The following TRIO variants were observed in gnomAD, a reference collection of about 807,000 sequenced individuals.
TRIO encodes the protein triple functional domain protein.
Under a neutral mutation model 351.9 loss-of-function variants are expected in TRIO, and 58 were observed. The observed-to-expected ratio is 0.16, with a 90% confidence interval of 0.13 to 0.21. The LOEUF (loss-of-function observed/expected upper bound fraction) is 0.21. Ranked by LOEUF, TRIO falls within the 10% of genes least tolerant of loss-of-function variation. TRIO has a pLI of 1.00. For missense variants in TRIO, 3,201 were observed against 4,027.8 expected (o/e 0.79, Z 5.56); for synonymous variants, 1,758 against 1,595.7 (o/e 1.10, Z -2.42).
At chr5:14,342,393 C>T (rs1742019598) in intron 11 of TRIO, among the ~76,000 whole-genome samples, 1 of 152,236 alleles carries the variant, frequency 6.6e-6, no homozygotes, top group African/African-American at 2.4e-5. Context: ...GGAAAACTGA[C>T]TAAAGGTCCA....
chr5:14,167,694 C>G (rs1788853232), intron 1 of TRIO, among the ~76,000 whole-genome samples: 1 of 152,042 alleles, frequency 6.6e-6, no homozygotes, highest in African/African-American at 2.4e-5. Context: ...GTACTAAGAT[C>G]CGGGGATAGG....
At chr5:14,507,509 C>T (rs1757789575) in intron 56 of TRIO, among the ~76,000 whole-genome samples, 1 of 152,196 alleles carries the variant, frequency 6.6e-6, no homozygotes, top group Admixed American at 6.5e-5. Context: ...TTCAGAAAGT[C>T]CCCATGAGTT....
At chr5:14,175,342 A>T (rs1023573812) in intron 1 of TRIO, among the ~76,000 whole-genome samples, 2 of 152,206 alleles carry the variant, frequency 1.3e-5, no homozygotes, top group African/African-American at 4.8e-5. Context: ...GCGTTTTCTA[A>T]TTCCTTTCCA....
intron 1 of TRIO, among the ~76,000 whole-genome samples, chr5:14,196,422 C>CAAAAA (rs71597902): frequency 4.4e-4 from 45 of 101,618 alleles, no homozygotes; most frequent in Admixed American, 2.8e-3. Context: ...GACTCCGTCT[C>CAAAAA]AAAAAAAAAA....
intron 1 of TRIO, among the ~76,000 whole-genome samples, chr5:14,195,050 G>A (rs964302218): frequency 4.0e-5 from 6 of 151,706 alleles, no homozygotes; most frequent in African/African-American, 1.2e-4. Context: ...TCTTCTGGAA[G>A]TAAAATGATG....
At chr5:14,260,652 ATGTT>A (rs1256871693) in intron 1 of TRIO, among the ~76,000 whole-genome samples, 8 of 152,300 alleles carry the variant, frequency 5.3e-5, no homozygotes, top group Non-Finnish European at 7.4e-5. Flanking sequence ...AAAAATTCTG[ATGTT>A]TGTTTGTGGC....
chr5:14,388,562 T>C (rs780642800), intron 23 of TRIO, 51 bp from the exon 24 acceptor site: 4 of 1,531,174 alleles, frequency 2.6e-6, no homozygotes, highest in Middle Eastern at 1.7e-4. Context: ...AAGTAGATAG[T>C]GAAGTAAGCT....
intron 1 of TRIO, among the ~76,000 whole-genome samples, chr5:14,185,414 C>T (rs138439731): frequency 6.5e-4 from 99 of 152,334 alleles, no homozygotes; most frequent in African/African-American, 2.3e-3. Flanking sequence ...TGATGAAAAA[C>T]GTGCCCAGCA....
Position 14,387,528 on chromosome 5 carries a change from G to T in TRIO, c.3661G>T (p.Val1221Phe). 1 of 1,614,230 alleles carries T rather than the reference G, an allele frequency of 6.2e-7. No individual in the cohort carries two copies. The highest frequency in any genetic ancestry group is 1.1e-5 in the South Asian group (1 of 91,086). Residue 1221 changes from valine (V) to phenylalanine (F), a missense_variant, in exon 22 of 57, where the codon GTT becomes TTT. Physicochemically the swap from Val to Phe is conservative, Grantham distance 50. This residue lies in a region of TRIO where 201 missense variants were observed against 266.5 expected (regional missense o/e 0.75). Coordinates refer to ENST00000344204, the MANE Select transcript of TRIO (RefSeq NM_007118.4). ...HAHAAEIKKCVTAVDKRYRDF... is the reference protein window; with the variant it reads ...HAHAAEIKKCFTAVDKRYRDF... ...CCATGCGGCAGAGATAAAAAAATGT[G>T]TTACTGCTGTGGATAAGAGGTACAG...
intron 29 of TRIO, among the ~76,000 whole-genome samples, chr5:14,397,574 T>A (rs1036852404): frequency 1.3e-5 from 2 of 152,222 alleles, no homozygotes; most frequent in East Asian, 3.8e-4. Context: ...CACCAGATAT[T>A]TCCTTGTGTA....
At chr5:14,453,953 A>C (rs1753041669) in intron 34 of TRIO, among the ~76,000 whole-genome samples, 3 of 150,296 alleles carry the variant, frequency 2.0e-5, no homozygotes, top group Admixed American at 2.0e-4. Flanking sequence ...TTTTTTTTTG[A>C]GACAGGGTCT....
intron 11 of TRIO, among the ~76,000 whole-genome samples, chr5:14,356,818 G>C (rs1480301604): frequency 6.6e-6 from 1 of 152,138 alleles, no homozygotes; most frequent in Admixed American, 6.5e-5. Context: ...ACACACAGTA[G>C]TATGGATAAA....
chr5:14,413,502 G>A (rs376742266), intron 33 of TRIO, among the ~76,000 whole-genome samples: 5 of 152,234 alleles, frequency 3.3e-5, no homozygotes, highest in South Asian at 2.1e-4. Flanking sequence ...CTCCCCTGGC[G>A]AGCTCTGAGT....
intron 1 of TRIO, among the ~76,000 whole-genome samples, chr5:14,220,942 A>AG (rs578128371): frequency 1.7e-4 from 26 of 152,234 alleles, no homozygotes; most frequent in Admixed American, 3.9e-4. Context: ...TATTGGAAGA[A>AG]GATGCCATCT....
intron 1 of TRIO, among the ~76,000 whole-genome samples, chr5:14,148,433 C>T (rs1318657228): frequency 1.3e-5 from 2 of 152,060 alleles, no homozygotes; most frequent in African/African-American, 4.8e-5. Flanking sequence ...TATCTCATAA[C>T]CTTGGCAGAA....
At chr5:14,447,899 G>A (rs1167289799) in intron 34 of TRIO, among the ~76,000 whole-genome samples, 1 of 152,192 alleles carries the variant, frequency 6.6e-6, no homozygotes, top group Non-Finnish European at 1.5e-5. Flanking sequence ...AAGGGTGTGT[G>A]AGCACCGTGG....
At chr5:14,490,693 G>T (rs1238303049) in intron 48 of TRIO, 2 of 423,822 alleles carry the variant, frequency 4.7e-6, no homozygotes, top group African/African-American at 4.1e-5. Context: ...AATTAAGCAG[G>T]ATAGACTTGA....
chr5:14,317,018 T>G (rs1392715034), intron 9 of TRIO, among the ~76,000 whole-genome samples: 1 of 152,122 alleles, frequency 6.6e-6, no homozygotes, highest in African/African-American at 2.4e-5. Context: ...TTATATTTAT[T>G]TGTGACAATA....
chr5:14,158,155 T>C (rs1013476568), intron 1 of TRIO, among the ~76,000 whole-genome samples: 1 of 152,138 alleles, frequency 6.6e-6, no homozygotes, highest in Admixed American at 6.5e-5. Context: ...GGCCGGGCGC[T>C]GTGGCTCACA....
Sources: gnomAD v4.1 joint callset for allele counts (sites outside exome capture counted in the v4.1 genomes callset) on GRCh38, gnomAD v4.1.1 for gene constraint, gnomAD v4.1.1 regional missense constraint, MANE v1.5 for transcripts, NCBI Gene and HGNC (gene_info 2026-07-23, HGNC 2026-07-21) for gene names.